MPRIP: variants seen among roughly 807,000 people sequenced by gnomAD.
The protein encoded by MPRIP is myosin phosphatase Rho-interacting protein.
In MPRIP, 59 loss-of-function variants were observed where a neutral mutation model predicts 234.9. The ratio of observed to expected loss-of-function variants is 0.25; its 90% confidence interval spans 0.20 to 0.31. The LOEUF (loss-of-function observed/expected upper bound fraction) is 0.31. Ranked by LOEUF, MPRIP falls within the 10% of genes least tolerant of loss-of-function variation. MPRIP has a pLI of 1.00. For missense variants in MPRIP, 2,436 were observed against 3,071.0 expected (o/e 0.79, Z 4.89); for synonymous variants, 1,144 against 1,263.9 (o/e 0.91, Z 2.01).
At chr17:17,106,144 G>T (rs1017870581) in intron 3 of MPRIP, among the ~76,000 whole-genome samples, 1 of 152,198 alleles carries the variant, frequency 6.6e-6, no homozygotes, top group Non-Finnish European at 1.5e-5. Flanking sequence ...CAGTGTTGCA[G>T]TGAGGCACGG....
Position 17,166,232 on chromosome 17 carries a change from C to T in MPRIP, c.4641C>T (p.Ser1547=), listed in dbSNP as rs3744129. The T allele has an allele frequency of 5.4e-3, 6,999 of 1,303,652 alleles. 537 individuals carry two copies. In the Admixed American group the frequency reaches 0.13, roughly 24 times the overall value. The allele number at this position is 1,303,652 out of a possible 1,614,324, so 80.8% of individuals were successfully genotyped here. A position where few individuals can be genotyped will look rare whatever the true frequency, so the allele number is the denominator to read the frequency against. Residue 1547 remains serine, a synonymous_variant, in exon 16 of 24, where the codon TCC becomes TCT. Coordinates refer to ENST00000651222, the MANE Select transcript of MPRIP (RefSeq NM_001364716.4). This position sits in a 1 kb window ranked among gnomAD's most constrained non-coding sequence, Gnocchi z 4.4. ...CCGAGGAGAATGGGAAGCCTGCCTC[C>T]CTGCAGCAGTGCTCCCAGTCTGAGT... The part of the protein sequence containing the change: ...GGTEENGKPA[S]LQQCSQSELT...
chr17:17,155,221 G>T (rs1215182180), intron 13 of MPRIP, among the ~76,000 whole-genome samples: 1 of 152,052 alleles, frequency 6.6e-6, no homozygotes, highest in Admixed American at 6.6e-5. Flanking sequence ...TCACAGCGGG[G>T]GCTGTCCATG....
Position 17,138,589 on chromosome 17 carries a change from G to T in MPRIP, c.1250+160G>T, listed in dbSNP as rs1014668973. Among the ~76,000 whole-genome samples the T allele has an allele frequency of 1.3e-5, 2 of 152,164 alleles. No individual in the cohort carries two copies. Among genetic ancestry groups the T allele is most frequent in the Non-Finnish European group, 2.9e-5 (2 of 68,028 alleles). ...GAGCATAGGGGTATTTTCCCTCTGG[G>T]CCCAGAACTCAGCTCTAGTAGCCAG... is the stretch of plus-strand genomic sequence containing the variant. On this transcript the variant is annotated intron_variant, in intron 7 of 23. Transcript: ENST00000651222. This position sits in a 1 kb window ranked among gnomAD's most constrained non-coding sequence, Gnocchi z 5.8.
In MPRIP at chr17:17,164,339, G is replaced by A. The variant is rs1304843770; in HGVS notation, c.2748G>A (p.Lys916=). 6.1e-6 allele frequency: 8 copies of A among 1,302,540 alleles called. No homozygotes were observed. Among genetic ancestry groups the A allele is most frequent in the Non-Finnish European group, 8.1e-6 (8 of 988,954 alleles). The allele number at this position is 1,302,540 out of a possible 1,614,324, so 80.7% of individuals were successfully genotyped here. ...ATGCGGCCGCTGAGCTAGCCATCAA[G>A]GAGCAGGCGCTGGCCAAGCTCAAGG... ...LSNAAAELAI[K]EQALAKLKGD... The change falls in exon 16 of 24, where the codon AAG becomes AAA. Residue 916 remains lysine (K), a synonymous_variant. Coordinates refer to ENST00000651222, the MANE Select transcript of MPRIP (RefSeq NM_001364716.4).
chr17:17,062,077 A>G (rs894936009), intron 1 of MPRIP, among the ~76,000 whole-genome samples: 11 of 152,052 alleles, frequency 7.2e-5, no homozygotes, highest in Non-Finnish European at 1.5e-4. Context: ...TGGGCCACAC[A>G]TCGAGTAGGT....
At chr17:17,045,077 A>G (rs1230302018) in intron 1 of MPRIP, among the ~76,000 whole-genome samples, 2 of 152,002 alleles carry the variant, frequency 1.3e-5, no homozygotes, top group Non-Finnish European at 2.9e-5. Context: ...GAAAACCTCA[A>G]CCAATCGGTT....
At chr17:17,113,364 T>A (rs2090211476) in intron 3 of MPRIP, among the ~76,000 whole-genome samples, 1 of 152,270 alleles carries the variant, frequency 6.6e-6, no homozygotes, top group Admixed American at 6.5e-5. Flanking sequence ...TTGAGTACTT[T>A]GGGTGCTTCA....
chr17:17,083,075 G>A (rs925979908), intron 3 of MPRIP, among the ~76,000 whole-genome samples: 54 of 152,174 alleles, frequency 3.5e-4, no homozygotes, highest in African/African-American at 1.3e-3. Flanking sequence ...TCCATGGTGT[G>A]GAGCTCTGCT....
At chr17:17,146,011 C>T in intron 9 of MPRIP, 25 bp from the exon 10 acceptor site, 1 of 1,611,732 alleles carries the variant, frequency 6.2e-7, no homozygotes, top group Admixed American at 1.7e-5. Flanking sequence ...TTCCTCTGAG[C>T]TGTTCTTTTT....
At position 17,186,881 on chromosome 17, in the gene MPRIP, A is replaced by T. The variant is rs2046486178; in HGVS notation, c.*1987A>T. The T allele has an allele frequency of 6.6e-6, 1 of 152,258 alleles. No homozygotes were observed. Among genetic ancestry groups the T allele is most frequent in the South Asian group, 2.1e-4 (1 of 4,834 alleles). 9.4% of individuals were successfully genotyped at this position (152,258 alleles called of 1,614,324 possible). A position where few individuals can be genotyped will look rare whatever the true frequency, so the allele number is the denominator to read the frequency against. ...GTTGTCTCCAGGACACTGCTGGGTCACACGAATGCTCCAGGACAGACAGGG... is the reference window on the plus strand; with the variant it reads ...GTTGTCTCCAGGACACTGCTGGGTCTCACGAATGCTCCAGGACAGACAGGG... On this transcript the variant is annotated 3_prime_UTR_variant, in exon 24 of 24. Transcript: ENST00000651222.
In MPRIP at chr17:17,163,108, G is replaced by A. The variant is rs554973900; in HGVS notation, c.2518-1001G>A. 2.6e-5 allele frequency among the ~76,000 whole-genome samples: 4 copies of A among 152,320 alleles called. No individual in the cohort carries two copies. The South Asian group carries it at 8.3e-4, about 32-fold the overall frequency. ...TGCTTTTAATCACGACTCAGAATGAGCAGGGGGTCTGTGGGGTTAAGGGTC... is the reference window on the plus strand; with the variant it reads ...TGCTTTTAATCACGACTCAGAATGAACAGGGGGTCTGTGGGGTTAAGGGTC... On this transcript the variant is annotated intron_variant, in intron 15 of 23. Transcript: ENST00000651222.
Position 17,042,775 on chromosome 17 carries a change from C to T in MPRIP, c.-74C>T, listed in dbSNP as rs1482396533. 1 of 1,011,346 alleles carries T rather than the reference C, an allele frequency of 9.9e-7. No individual in the cohort carries two copies. The highest frequency in any genetic ancestry group is 6.2e-5 in the Admixed American group (1 of 16,038). The allele number at this position is 1,011,346 out of a possible 1,614,324, so 62.6% of individuals were successfully genotyped here. On this transcript the variant is annotated 5_prime_UTR_variant, in exon 1 of 24. Coordinates refer to ENST00000651222, the MANE Select transcript of MPRIP (RefSeq NM_001364716.4). ...GGGATGCGGCGCGGCCGCGCTGAGC[C>T]CCTAGCCCGCCGGGAGCGCCAGGCC...
intron 1 of MPRIP, among the ~76,000 whole-genome samples, chr17:17,043,738 T>C (rs1472948683): frequency 6.6e-6 from 1 of 152,200 alleles, no homozygotes; most frequent in Non-Finnish European, 1.5e-5. Flanking sequence ...TCCAAGAGGC[T>C]TGGCTGCAGC....
Position 17,067,358 on chromosome 17 carries a change from C to T in MPRIP, c.124-8352C>T, listed in dbSNP as rs565705384. Among the ~76,000 whole-genome samples the T allele has an allele frequency of 2.0e-5, 3 of 152,256 alleles. No individual in the cohort carries two copies. The East Asian group carries it at 5.8e-4, about 29-fold the overall frequency. The stretch of plus-strand genomic sequence containing the variant: ...TTATGTATAATACTAGCTGGATGCA[C>T]AAGCACTGCAACACCACCACAGTCC... On this transcript the variant is annotated intron_variant, in intron 1 of 23. Transcript: ENST00000651222.
At position 17,042,721 on chromosome 17, in the gene MPRIP, C is replaced by T. The variant is rs544085101; in HGVS notation, c.-128C>T. On this transcript the variant is annotated 5_prime_UTR_variant, in exon 1 of 24. Coordinates refer to ENST00000651222, the MANE Select transcript of MPRIP (RefSeq NM_001364716.4). Reference sequence around the variant, plus strand: ...AGCGAACCGCCCGCCGGGAAGGAGGCCGGGCCGGGCCTGCGGCGGGGCCGG... The same window carrying T: ...AGCGAACCGCCCGCCGGGAAGGAGGTCGGGCCGGGCCTGCGGCGGGGCCGG... The T allele has an allele frequency of 0.012, 11,321 of 936,932 alleles. 694 individuals carry two copies. In the African/African-American group the frequency reaches 0.15, roughly 13 times the overall value. 58.0% of individuals were successfully genotyped at this position (936,932 alleles called of 1,614,324 possible).
At chr17:17,116,285 A>G (rs1245053656) in intron 3 of MPRIP, among the ~76,000 whole-genome samples, 2 of 152,152 alleles carry the variant, frequency 1.3e-5, no homozygotes, top group Non-Finnish European at 2.9e-5. Context: ...GCACAGGACA[A>G]TGATCCAGGA....
chr17:17,104,017 T>C (rs2090014649), intron 3 of MPRIP, among the ~76,000 whole-genome samples: 1 of 124,776 alleles, frequency 8.0e-6, no homozygotes, highest in South Asian at 3.1e-4. Context: ...GGGAATGGCG[T>C]GTGAGCCCAT....
At chr17:17,149,995 G>A (rs1334917376) in intron 11 of MPRIP, 149 bp from the exon 12 acceptor site, 5 of 635,514 alleles carry the variant, frequency 7.9e-6, no homozygotes, top group Non-Finnish European at 1.4e-5. Flanking sequence ...CCTGGGTCAT[G>A]CAGTAGTAGG....
intron 12 of MPRIP, among the ~76,000 whole-genome samples, chr17:17,152,510 T>G (rs2045625884): frequency 6.6e-6 from 1 of 152,216 alleles, no homozygotes; most frequent in Admixed American, 6.5e-5. Context: ...AGGAGATGCT[T>G]CCAGTGTGGA....
Sources: gnomAD v4.1 joint callset for allele counts (sites outside exome capture counted in the v4.1 genomes callset) on GRCh38, gnomAD v4.1.1 for gene constraint, Gnocchi (gnomAD v3.1) non-coding constraint, MANE v1.5 for transcripts, NCBI Gene and HGNC (gene_info 2026-07-23, HGNC 2026-07-21) for gene names.